The following CSMD1 variants were observed in gnomAD, a reference collection of about 807,000 sequenced individuals.
The protein encoded by CSMD1 is CUB and Sushi multiple domains 1.
Under a neutral mutation model 417.5 loss-of-function variants are expected in CSMD1, and 213 were observed. That is an observed-to-expected ratio of 0.51 (90% CI 0.46 to 0.57). The LOEUF (loss-of-function observed/expected upper bound fraction) is 0.57. CSMD1 is among the 20% of genes least tolerant of loss of function. The pLI is 0.00. For synonymous variants in CSMD1, 2,862 were observed against 1,736.8 expected, an observed-to-expected ratio of 1.65 and a Z score of -16.11; for missense variants, 6,923 against 4,529.7, an observed-to-expected ratio of 1.53 and a Z score of -15.17.
chr8:4,271,657 A>G (rs1320549195), intron 3 of CSMD1, among the ~76,000 whole-genome samples: 1 of 152,178 alleles, frequency 6.6e-6, no homozygotes, highest in Non-Finnish European at 1.5e-5. Flanking sequence ...AAGAAATGGT[A>G]AAATACATCC....
chr8:4,519,742 C>CAAAAAAAA (rs57747377), intron 2 of CSMD1, among the ~76,000 whole-genome samples: 1,397 of 80,350 alleles, frequency 0.017, 519 homozygotes, highest in East Asian at 0.023. Context: ...GACTTCATCT[C>CAAAAAAAA]AAAAAAAAAA....
chr8:4,036,140 T>C (rs747171112), intron 3 of CSMD1, among the ~76,000 whole-genome samples: 2 of 152,184 alleles, frequency 1.3e-5, no homozygotes, highest in Non-Finnish European at 2.9e-5. Flanking sequence ...CCTAGGTGCG[T>C]AGTAGGCCGC....
chr8:3,841,372 G>C (rs1195578037), intron 5 of CSMD1, among the ~76,000 whole-genome samples: 3 of 152,060 alleles, frequency 2.0e-5, no homozygotes, highest in Admixed American at 6.6e-5. Context: ...TCGTTATGTG[G>C]TTCTCAACCT....
chr8:3,339,029 C>T (rs1201690461), intron 23 of CSMD1, among the ~76,000 whole-genome samples: 2 of 137,456 alleles, frequency 1.5e-5, no homozygotes, highest in South Asian at 2.3e-4. Context: ...TATTCCCCTT[C>T]CTGTGTCCAT....
At chr8:3,578,349 G>C (rs17066437) in intron 9 of CSMD1, among the ~76,000 whole-genome samples, 1,983 of 152,230 alleles carry the variant, frequency 0.013, 52 homozygotes, top group African/African-American at 0.045. Flanking sequence ...TGATCTGTTA[G>C]GGATGCCTGC....
At chr8:4,958,905 G>T (rs184055687) in intron 1 of CSMD1, among the ~76,000 whole-genome samples, 1 of 152,188 alleles carries the variant, frequency 6.6e-6, no homozygotes, top group African/African-American at 2.4e-5. Context: ...AAAGAGGAAA[G>T]AATATTTTTA....
chr8:4,031,348 G>T (rs1585167729), intron 4 of CSMD1, among the ~76,000 whole-genome samples: 1 of 152,220 alleles, frequency 6.6e-6, no homozygotes, highest in Non-Finnish European at 1.5e-5. Context: ...AGAAGGCAAG[G>T]AGGAGCACAT....
At chr8:4,416,037 C>A (rs1043154548) in intron 3 of CSMD1, among the ~76,000 whole-genome samples, 3 of 152,152 alleles carry the variant, frequency 2.0e-5, no homozygotes, top group Admixed American at 6.5e-5. Flanking sequence ...TTCACTTAGA[C>A]AATTTCCGTG....
intron 6 of CSMD1, among the ~76,000 whole-genome samples, chr8:3,742,177 A>T (rs1377237123): frequency 6.6e-6 from 1 of 152,152 alleles, no homozygotes; most frequent in East Asian, 1.9e-4. Context: ...TGAGTCTTCT[A>T]TAGCCCACCA....
chr8:3,949,837 G>A lies in CSMD1; in HGVS notation c.818+48066C>T, dbSNP rs1349796874. On this transcript the variant is annotated intron_variant, in intron 5 of 69. Coordinates refer to ENST00000635120, the MANE Select transcript of CSMD1 (RefSeq NM_033225.6). ...CAATGACCTGCTTCCATCTTTCATTGATTGAGGGGATCCCTGGGGACATGG... is the reference window on the plus strand; with the variant it reads ...CAATGACCTGCTTCCATCTTTCATTAATTGAGGGGATCCCTGGGGACATGG... The A allele has an allele frequency of 8.9e-6, 4 of 448,938 alleles. No individual in the cohort carries two copies. The East Asian group carries it at 2.8e-4, about 31-fold the overall frequency. The allele number at this position is 448,938 out of a possible 1,614,324, so 27.8% of individuals were successfully genotyped here. A position where few individuals can be genotyped will look rare whatever the true frequency, so the allele number is the denominator to read the frequency against.
chr8:3,167,118 C>G (rs1477695088), intron 37 of CSMD1, among the ~76,000 whole-genome samples: 1 of 152,020 alleles, frequency 6.6e-6, no homozygotes, highest in East Asian at 1.9e-4. Flanking sequence ...AACCCCGTCT[C>G]TACTAAGAAT....
chr8:3,846,751 G>A (rs34935142), intron 5 of CSMD1, among the ~76,000 whole-genome samples: 25,873 of 151,984 alleles, frequency 0.17, 2,263 homozygotes, highest in African/African-American at 0.21. Context: ...TCGACTCACT[G>A]CAACCTCTGC....
intron 10 of CSMD1, among the ~76,000 whole-genome samples, chr8:3,547,092 C>A (rs762072094): frequency 6.6e-6 from 1 of 152,138 alleles, no homozygotes; most frequent in South Asian, 2.1e-4. Context: ...GGACCAATAA[C>A]GTGGGCTACA....
At chr8:4,336,202 T>C (rs946452595) in intron 3 of CSMD1, among the ~76,000 whole-genome samples, 3 of 152,306 alleles carry the variant, frequency 2.0e-5, no homozygotes, top group Admixed American at 2.0e-4. Flanking sequence ...ACTCAGGGAA[T>C]GCAGGTAGTA....
intron 3 of CSMD1, among the ~76,000 whole-genome samples, chr8:4,131,964 C>T (rs1216709092): frequency 6.6e-6 from 1 of 151,868 alleles, no homozygotes; most frequent in Non-Finnish European, 1.5e-5. Context: ...CCGGCTTTCA[C>T]CATGTTAGCC....
intron 1 of CSMD1, among the ~76,000 whole-genome samples, chr8:4,896,460 T>C (rs1208170459): frequency 1.3e-5 from 2 of 152,144 alleles, no homozygotes; most frequent in Admixed American, 6.5e-5. Flanking sequence ...CAGGAAAATG[T>C]TGAAACTCTC....
intron 54 of CSMD1, among the ~76,000 whole-genome samples, chr8:2,986,106 G>C (rs779724459): frequency 6.6e-6 from 1 of 152,066 alleles, no homozygotes; most frequent in Admixed American, 6.6e-5. Flanking sequence ...TACAGCTATA[G>C]TTTTGGCTTT....
chr8:4,428,866 C>T (rs967545035), intron 2 of CSMD1, among the ~76,000 whole-genome samples: 9 of 151,990 alleles, frequency 5.9e-5, no homozygotes, highest in African/African-American at 1.9e-4. Context: ...TTACAGGCAC[C>T]ACCACGTCCA....
intron 4 of CSMD1, among the ~76,000 whole-genome samples, chr8:4,017,839 AC>A (rs1183783761): frequency 1.3e-5 from 2 of 152,116 alleles, no homozygotes; most frequent in Admixed American, 1.3e-4. Context: ...TGTTTGGGTG[AC>A]TGTATATCTG....
Sources: allele counts gnomAD v4.1 joint callset (sites outside exome capture counted in the v4.1 genomes callset), GRCh38; gene constraint gnomAD v4.1.1; transcripts MANE v1.5; gene names NCBI Gene and HGNC (gene_info 2026-07-23, HGNC 2026-07-21).